Variants in RSPO4 observed in about 807,000 individuals in gnomAD.
RSPO4 encodes the protein R-spondin-4.
In RSPO4, 23 loss-of-function variants were observed where a neutral mutation model predicts 24.8. That is an observed-to-expected ratio of 0.93 (90% CI 0.67 to 1.31). RSPO4 has a LOEUF of 1.31. RSPO4 is among the 40% of genes most tolerant of loss of function. The pLI is 0.00. For synonymous variants in RSPO4, 141 were observed against 127.4 expected (o/e 1.11, Z -0.72); for missense variants, 333 against 316.5 (o/e 1.05, Z -0.39).
chr20:970,562 A>G lies in RSPO4; in HGVS notation c.80-2424T>C, dbSNP rs1984375166. Among the ~76,000 whole-genome samples the G allele has an allele frequency of 1.3e-5, 2 of 152,080 alleles. No homozygotes were observed. The highest frequency in any genetic ancestry group is 4.8e-5 in the African/African-American group (2 of 41,406). ...AGAATAAAGATTTTTGTGCCTCTGG[A>G]GCTGTATACCTGGCAGGGATCTGAG... is the stretch of plus-strand genomic sequence containing the variant. On this transcript the variant is annotated intron_variant, in intron 1 of 4. Transcript: ENST00000217260. The surrounding 1 kb of genome is among the most constrained non-coding windows in gnomAD (Gnocchi z 4.1).
intron 1 of RSPO4, among the ~76,000 whole-genome samples, chr20:1,001,758 T>C (rs1467338037): frequency 6.6e-6 from 1 of 152,174 alleles, no homozygotes; most frequent in East Asian, 1.9e-4. Context: ...TCCTAGTCCC[T>C]GTGCCCCGCA....
chr20:972,999 C>T (rs1334758415), intron 1 of RSPO4, among the ~76,000 whole-genome samples: 1 of 152,236 alleles, frequency 6.6e-6, no homozygotes, highest in African/African-American at 2.4e-5. Flanking sequence ...CCTGACATGG[C>T]GTTGCTGCCC....
rs1314041650 is a variant in RSPO4 at position 958,945 on chromosome 20, CAGA to C, written c.*1409_*1411del. On this transcript the variant is annotated 3_prime_UTR_variant, in exon 5 of 5. Transcript: ENST00000217260. ...GAGCAGGAAGGGGGTGTTATGATGG[CAGA>C]AGGATAGGCAGTGAGGACAGACTTG... 6.6e-6 allele frequency: 1 copy of C among 152,392 alleles called. No individual in the cohort carries two copies. Among genetic ancestry groups the C allele is most frequent in the Non-Finnish European group, 1.5e-5 (1 of 68,250 alleles). 9.4% of individuals were successfully genotyped at this position (152,392 alleles called of 1,614,324 possible).
intron 1 of RSPO4, among the ~76,000 whole-genome samples, chr20:978,733 G>A (rs1984646194): frequency 6.6e-6 from 1 of 152,058 alleles, no homozygotes; most frequent in African/African-American, 2.4e-5. Flanking sequence ...TGGTTTTCTA[G>A]GGAGGCAGAT....
chr20:962,237 T>C (rs1334540265), intron 4 of RSPO4, among the ~76,000 whole-genome samples: 1 of 151,980 alleles, frequency 6.6e-6, no homozygotes, highest in African/African-American at 2.4e-5. Context: ...TGCTACCATG[T>C]GATATGATGG....
intron 3 of RSPO4, among the ~76,000 whole-genome samples, chr20:964,763 T>TAC (rs367722868): frequency 0.24 from 32,539 of 138,384 alleles, 6,275 homozygotes; most frequent in African/African-American, 0.58. Context: ...CACATATATA[T>TAC]ACACACACAC....
At chr20:977,013 T>G (rs954957619) in intron 1 of RSPO4, among the ~76,000 whole-genome samples, 2 of 152,270 alleles carry the variant, frequency 1.3e-5, no homozygotes, top group South Asian at 4.2e-4. Flanking sequence ...CCCTCCCTAT[T>G]GTATTTCAGA....
At chr20:988,438 G>A (rs1223156263) in intron 1 of RSPO4, among the ~76,000 whole-genome samples, 2 of 152,188 alleles carry the variant, frequency 1.3e-5, no homozygotes, top group African/African-American at 4.8e-5. Flanking sequence ...TGGATCCAGG[G>A]AGGGTGGACA....
At chr20:967,139 A>G in intron 3 of RSPO4, 35 bp downstream of exon 3, 2 of 1,599,398 alleles carry the variant, frequency 1.3e-6, no homozygotes, top group East Asian at 2.2e-5. Flanking sequence ...GGGAGAGGGG[A>G]GGGGCAGGGG....
chr20:971,635 G>A (rs1462806895), intron 1 of RSPO4, among the ~76,000 whole-genome samples: 1 of 152,110 alleles, frequency 6.6e-6, no homozygotes, highest in Non-Finnish European at 1.5e-5. Flanking sequence ...TATAGTAAGA[G>A]CCATTTATAT....
At chr20:966,302 G>A (rs899110364) in intron 3 of RSPO4, among the ~76,000 whole-genome samples, 1 of 152,172 alleles carries the variant, frequency 6.6e-6, no homozygotes, top group Non-Finnish European at 1.5e-5. Context: ...GAGCTGTTAG[G>A]AAATAATCAG....
At chr20:967,336 C>T (rs1353595934) in intron 2 of RSPO4, 22 bp from the exon 3 acceptor site, 1 of 1,613,344 alleles carries the variant, frequency 6.2e-7, no homozygotes, top group East Asian at 2.2e-5. Flanking sequence ...CCAGGGACAC[C>T]CCAGGTGAGG....
intron 1 of RSPO4, among the ~76,000 whole-genome samples, chr20:984,958 C>T: frequency 2.1e-5 from 3 of 146,028 alleles, no homozygotes; most frequent in Admixed American, 6.9e-5. Context: ...CATCCACCCA[C>T]CCACCCATCT....
chr20:958,513 A>G lies in RSPO4; in HGVS notation c.*1844T>C, dbSNP rs1401818330. 6.6e-6 allele frequency: 1 copy of G among 152,204 alleles called. No homozygotes were observed. Among genetic ancestry groups the G allele is most frequent in the Non-Finnish European group, 1.5e-5 (1 of 68,052 alleles). The allele number at this position is 152,204 out of a possible 1,614,324, so 9.4% of individuals were successfully genotyped here. On this transcript the variant is annotated 3_prime_UTR_variant, in exon 5 of 5. Transcript: ENST00000217260. ...AAAAAAAAGTTAGGGTCTTGAAACA[A>G]TAACAACGGAGCATTTCAGAGGCAC...
chr20:970,660 A>C lies in RSPO4; in HGVS notation c.80-2522T>G, dbSNP rs1345193590. 6.6e-6 allele frequency among the ~76,000 whole-genome samples: 1 copy of C among 152,150 alleles called. No homozygotes were observed. Among genetic ancestry groups the C allele is most frequent in the Non-Finnish European group, 1.5e-5 (1 of 68,026 alleles). On this transcript the variant is annotated intron_variant, in intron 1 of 4. Coordinates refer to ENST00000217260, the MANE Select transcript of RSPO4 (RefSeq NM_001029871.4). This position sits in a 1 kb window ranked among gnomAD's most constrained non-coding sequence, Gnocchi z 4.1. ...AAATAAGAACATCCACTGAGAATTT[A>C]GCAGAGTCCGGACTTCTCACTCAGC...
intron 1 of RSPO4, among the ~76,000 whole-genome samples, chr20:971,165 A>C (rs1407373447): frequency 6.6e-6 from 1 of 152,224 alleles, no homozygotes; most frequent in Non-Finnish European, 1.5e-5. Context: ...AAATGTAACA[A>C]TTTAGCTTCT....
In RSPO4 at chr20:964,016, G is replaced by C; in HGVS notation, c.514C>G (p.Arg172Gly). The part of the protein sequence containing the change: ...GLESRVREAG[R>G]AGHEEAATCQ... ...GTGGCTGCCTCCTCATGCCCAGCCC[G>C]GCCAGCCTCTCGTACCCGGCTCTCC... Residue 172 changes from arginine (R) to glycine (G), a missense_variant, in exon 4 of 5, where the codon CGG (arginine) becomes GGG (glycine). By Grantham distance (125) the Arg-to-Gly change is moderately radical. Coordinates refer to ENST00000217260, the MANE Select transcript of RSPO4 (RefSeq NM_001029871.4). 6.2e-7 allele frequency: 1 copy of C among 1,613,822 alleles called. No individual in the cohort carries two copies. Among genetic ancestry groups the C allele is most frequent in the Non-Finnish European group, 8.5e-7 (1 of 1,180,034 alleles).
At chr20:995,473 C>T (rs1985245881) in intron 1 of RSPO4, among the ~76,000 whole-genome samples, 1 of 152,200 alleles carries the variant, frequency 6.6e-6, no homozygotes, top group Non-Finnish European at 1.5e-5. Flanking sequence ...GCAATGTCTG[C>T]CACGCCCTGG....
At chr20:987,655 G>A (rs1271398480) in intron 1 of RSPO4, among the ~76,000 whole-genome samples, 1 of 152,134 alleles carries the variant, frequency 6.6e-6, no homozygotes, top group African/African-American at 2.4e-5. Flanking sequence ...GCCAGGCATG[G>A]TGATGCGTGC....
Sources: allele counts gnomAD v4.1 joint callset (sites outside exome capture counted in the v4.1 genomes callset), GRCh38; gene constraint gnomAD v4.1.1; non-coding constraint Gnocchi (gnomAD v3.1); transcripts MANE v1.5; gene names NCBI Gene and HGNC (gene_info 2026-07-23, HGNC 2026-07-21).